CNTNAP4: variants seen among roughly 807,000 people sequenced by gnomAD.
CNTNAP4 encodes the protein contactin-associated protein-like 4.
Under a neutral mutation model 148.4 loss-of-function variants are expected in CNTNAP4, and 98 were observed. That is an observed-to-expected ratio of 0.66 (90% CI 0.56 to 0.78). The LOEUF is 0.78. CNTNAP4 is among the 30% of genes least tolerant of loss of function. The pLI, the probability that CNTNAP4 is intolerant of heterozygous loss-of-function variation, is 0.00. For synonymous variants in CNTNAP4, 730 were observed against 565.1 expected (o/e 1.29, Z -4.14); for missense variants, 1,935 against 1,565.6 (o/e 1.24, Z -3.98).
chr16:76,515,671 T>C (rs553030965), intron 15 of CNTNAP4, among the ~76,000 whole-genome samples: 1 of 151,280 alleles, frequency 6.6e-6, no homozygotes, highest in Admixed American at 6.6e-5. Flanking sequence ...TGGAAGGAGG[T>C]TCAACCAAAG....
chr16:76,500,641 T>C (rs4287595), intron 15 of CNTNAP4, among the ~76,000 whole-genome samples: 101,251 of 139,550 alleles, frequency 0.73, 34,377 homozygotes, highest in East Asian at 0.81. Flanking sequence ...TGTGTGTGTG[T>C]GTCTGTGTGC....
intron 3 of CNTNAP4, among the ~76,000 whole-genome samples, chr16:76,424,601 G>GA (rs896493157): frequency 6.6e-6 from 1 of 151,576 alleles, no homozygotes; most frequent in Non-Finnish European, 1.5e-5. Flanking sequence ...TAAAAATGCA[G>GA]AAAAAAAATT....
chr16:76,384,668 C>T (rs532597204), intron 3 of CNTNAP4, among the ~76,000 whole-genome samples: 6 of 152,068 alleles, frequency 3.9e-5, no homozygotes, highest in African/African-American at 1.2e-4. Context: ...TCATGGTAGG[C>T]GATTGGAAGT....
At chr16:76,345,622 T>C (rs1018997261) in intron 2 of CNTNAP4, among the ~76,000 whole-genome samples, 5 of 152,166 alleles carry the variant, frequency 3.3e-5, no homozygotes, top group African/African-American at 9.7e-5. Flanking sequence ...AATTGGATCT[T>C]ATGTAAGTTA....
intron 19 of CNTNAP4, 21 bp from the exon 20 acceptor site, chr16:76,539,698 C>G (rs1458343216): frequency 1.3e-6 from 2 of 1,557,776 alleles, no homozygotes; most frequent in Non-Finnish European, 1.7e-6. Context: ...CTAAAAGAAT[C>G]ACAATTTTTC....
intron 2 of CNTNAP4, among the ~76,000 whole-genome samples, chr16:76,345,096 C>G (rs931950464): frequency 2.0e-5 from 3 of 152,190 alleles, no homozygotes; most frequent in African/African-American, 4.8e-5. Context: ...GGCAAAGACA[C>G]CTTTTACTGA....
In CNTNAP4 at chr16:76,521,213, T is replaced by C. The variant is rs1227380594; in HGVS notation, c.2439T>C (p.Leu813=). Residue 813 remains leucine, a synonymous_variant, in exon 16 of 24, where the codon CTT becomes CTC. Coordinates refer to ENST00000611870, the MANE Select transcript of CNTNAP4 (RefSeq NM_033401.5). ...YLHFPTFHGE[L]SADVSFFFKT... ...ATTTTCCTACCTTCCACGGAGAACT[T>C]AGCGCGGATGTATCTTTCTTTTTTA... 1.2e-6 allele frequency: 2 copies of C among 1,612,652 alleles called. No homozygotes were observed. The highest frequency in any genetic ancestry group is 1.6e-4 in the Middle Eastern group (1 of 6,076).
At chr16:76,289,938 T>C (rs192802592) in intron 1 of CNTNAP4, among the ~76,000 whole-genome samples, 3 of 152,292 alleles carry the variant, frequency 2.0e-5, no homozygotes, top group African/African-American at 7.2e-5. Flanking sequence ...TCACTTGTAT[T>C]TAGATTCTGC....
intron 3 of CNTNAP4, among the ~76,000 whole-genome samples, chr16:76,359,499 T>TA (rs1184580198): frequency 6.6e-6 from 1 of 152,040 alleles, no homozygotes. Context: ...CTGAAATAAT[T>TA]AAAAAAATGC....
At chr16:76,299,243 T>G (rs1959668067) in intron 1 of CNTNAP4, among the ~76,000 whole-genome samples, 1 of 152,108 alleles carries the variant, frequency 6.6e-6, no homozygotes, top group Non-Finnish European at 1.5e-5. Context: ...TTTTGCAACC[T>G]ACTCATCTGA....
chr16:76,327,749 C>T (rs147363256), intron 2 of CNTNAP4, among the ~76,000 whole-genome samples: 40 of 152,238 alleles, frequency 2.6e-4, no homozygotes, highest in Middle Eastern at 3.4e-3. Context: ...TGAGGCTAAA[C>T]GTGCCAAAGA....
At chr16:76,451,599 A>ATATGTGTGTG (rs373330383) in intron 7 of CNTNAP4, among the ~76,000 whole-genome samples, 6 of 141,258 alleles carry the variant, frequency 4.2e-5, no homozygotes, top group African/African-American at 1.5e-4. Flanking sequence ...TTTTAGATAG[A>ATATGTGTGTG]TGTGTGTGTG....
chr16:76,530,746 G>A (rs1381614320), intron 17 of CNTNAP4, among the ~76,000 whole-genome samples: 1 of 152,170 alleles, frequency 6.6e-6, no homozygotes, highest in Non-Finnish European at 1.5e-5. Flanking sequence ...GAATAGTCCT[G>A]TTCCTCCCCT....
At chr16:76,462,399 C>G (rs73621007) in intron 9 of CNTNAP4, among the ~76,000 whole-genome samples, 2,255 of 152,190 alleles carry the variant, frequency 0.015, 55 homozygotes, top group African/African-American at 0.051. Flanking sequence ...TTAAATGATC[C>G]TTATATGTCT....
At chr16:76,307,503 C>CATATATATATATATATATAT (rs6145898) in intron 1 of CNTNAP4, among the ~76,000 whole-genome samples, 1 of 91,724 alleles carries the variant, frequency 1.1e-5, no homozygotes, top group Non-Finnish European at 2.0e-5. Context: ...ATTTTAAATG[C>CATATATATATATATATATAT]ATATATATAT....
intron 3 of CNTNAP4, among the ~76,000 whole-genome samples, chr16:76,387,707 C>A (rs1178844623): frequency 6.6e-6 from 1 of 152,092 alleles, no homozygotes; most frequent in Admixed American, 6.6e-5. Flanking sequence ...AACCATTGAA[C>A]ATGGACAAAA....
intron 10 of CNTNAP4, among the ~76,000 whole-genome samples, chr16:76,469,998 TA>T (rs898029341): frequency 6.7e-4 from 100 of 149,906 alleles, no homozygotes; most frequent in African/African-American, 2.0e-3. Flanking sequence ...AATGGAGCCT[TA>T]AAAAAAAAAT....
chr16:76,523,337 A>G (rs950797034), intron 17 of CNTNAP4, among the ~76,000 whole-genome samples: 1 of 151,456 alleles, frequency 6.6e-6, no homozygotes, highest in African/African-American at 2.4e-5. Flanking sequence ...CATGTTTGAC[A>G]GTTTCACCAG....
intron 16 of CNTNAP4, 108 bp downstream of exon 16, chr16:76,521,418 C>T (rs2083448430): frequency 1.2e-6 from 1 of 859,980 alleles, no homozygotes; most frequent in Admixed American, 2.8e-5. Flanking sequence ...TGATTCTTTT[C>T]ATTGCGCCCC....
Sources: allele counts gnomAD v4.1 joint callset (sites outside exome capture counted in the v4.1 genomes callset), GRCh38; gene constraint gnomAD v4.1.1; transcripts MANE v1.5; gene names NCBI Gene and HGNC (gene_info 2026-07-23, HGNC 2026-07-21).